Variants in DENND1A observed in about 807,000 individuals in gnomAD.
DENND1A encodes DENN domain containing 1A, also known as DENN domain-containing protein 1A.
DENND1A carries 51 observed loss-of-function variants against 113.7 expected under a neutral mutation model. The observed-to-expected ratio is 0.45, with a 90% CI of 0.36 to 0.57. The LOEUF (loss-of-function observed/expected upper bound fraction) is 0.57. Among genes scored for constraint, DENND1A ranks in the 20% least tolerant of loss-of-function variants. DENND1A has a pLI of 0.00. For missense variants in DENND1A, 1,258 were observed against 1,395.9 expected, an observed-to-expected ratio of 0.90 and a Z score of 1.57; for synonymous variants, 565 against 570.8, an observed-to-expected ratio of 0.99 and a Z score of 0.14.
intron 5 of DENND1A, among the ~76,000 whole-genome samples, chr9:123,755,297 TTTTC>T (rs1445779023): frequency 3.3e-5 from 5 of 151,116 alleles, no homozygotes; most frequent in Admixed American, 2.0e-4. Context: ...AATTTTTGTA[TTTTC>T]TTTCTTTCTT....
At chr9:123,737,648 C>T (rs985796074) in intron 5 of DENND1A, among the ~76,000 whole-genome samples, 6 of 152,202 alleles carry the variant, frequency 3.9e-5, no homozygotes, top group East Asian at 3.9e-4. Context: ...AAGTACTCCC[C>T]GCTCCTCCCA....
chr9:123,711,499 ATATATG>A (rs2066600955), intron 5 of DENND1A, among the ~76,000 whole-genome samples: 1 of 75,024 alleles, frequency 1.3e-5, no homozygotes, highest in African/African-American at 7.9e-5. Context: ...ATATATATAT[ATATATG>A]TATATATGTA....
At chr9:123,660,993 T>C (rs992225698) in intron 8 of DENND1A, among the ~76,000 whole-genome samples, 43 of 152,294 alleles carry the variant, frequency 2.8e-4, no homozygotes, top group African/African-American at 8.7e-4. Context: ...CTACGATGTA[T>C]AAAACAGCCC....
chr9:123,775,657 G>A (rs1224793030), intron 3 of DENND1A, among the ~76,000 whole-genome samples: 1 of 152,184 alleles, frequency 6.6e-6, no homozygotes, highest in Non-Finnish European at 1.5e-5. Context: ...TTAGTCTAGA[G>A]AAAAATCTTT....
At chr9:123,740,142 C>G (rs2068882945) in intron 5 of DENND1A, among the ~76,000 whole-genome samples, 1 of 152,098 alleles carries the variant, frequency 6.6e-6, no homozygotes, top group Admixed American at 6.6e-5. Context: ...TGTAACAACC[C>G]TGCATGTCCT....
chr9:123,530,127 T>TA (rs1220608389), intron 13 of DENND1A, among the ~76,000 whole-genome samples: 1 of 151,862 alleles, frequency 6.6e-6, no homozygotes, highest in Non-Finnish European at 1.5e-5. Flanking sequence ...GTTTCCAGAA[T>TA]AAAAAAACAA....
At chr9:123,911,260 TA>T (rs1853903797) in intron 1 of DENND1A, among the ~76,000 whole-genome samples, 1 of 152,106 alleles carries the variant, frequency 6.6e-6, no homozygotes, top group Non-Finnish European at 1.5e-5. Context: ...ATAATATGGC[TA>T]AAAAAGACTA....
intron 1 of DENND1A, among the ~76,000 whole-genome samples, chr9:123,907,174 ACT>A (rs1194863376): frequency 2.1e-5 from 3 of 140,128 alleles, no homozygotes; most frequent in African/African-American, 7.9e-5. Context: ...CATGCTAAAA[ACT>A]CTCAATAAAT....
At chr9:123,553,668 T>C (rs1223738401) in intron 13 of DENND1A, among the ~76,000 whole-genome samples, 1 of 152,002 alleles carries the variant, frequency 6.6e-6, no homozygotes, top group Non-Finnish European at 1.5e-5. Context: ...AAACGAAAAA[T>C]CCTAGAAGCT....
Position 123,474,536 on chromosome 9 carries a change from A to G in DENND1A, c.994-16639T>C, listed in dbSNP as rs114026309. 6.4e-3 allele frequency among the ~76,000 whole-genome samples: 980 copies of G among 152,342 alleles called. 7 individuals carry two copies. Among genetic ancestry groups the G allele is most frequent in the African/African-American group, 0.022 (934 of 41,590 alleles). On this transcript the variant is annotated intron_variant, in intron 13 of 23. Coordinates refer to ENST00000394215, the MANE Select transcript of DENND1A (RefSeq NM_001352964.2). ...AATGAGAAAATCCTAGGGTCTATAT[A>G]AAGTGATGCTTTGTTACCCACATGT...
chr9:123,878,096 G>A (rs771499987), intron 2 of DENND1A, among the ~76,000 whole-genome samples: 1 of 151,686 alleles, frequency 6.6e-6, no homozygotes, highest in Non-Finnish European at 1.5e-5. Context: ...CCAGCTACTC[G>A]GGAGGCTGAG....
chr9:123,452,155 C>A, intron 17 of DENND1A, 121 bp downstream of exon 17: 1 of 885,754 alleles, frequency 1.1e-6, no homozygotes, highest in South Asian at 1.6e-5. Flanking sequence ...GATTGCACCA[C>A]TGCACTCCAG....
In DENND1A at chr9:123,450,707, G is replaced by A. The variant is rs750765074; in HGVS notation, c.1342C>T (p.Arg448Cys). ...ACTTCAAGTACCTTTTGCTTCAAGC[G>A]GTTTTTCACCTCTTTTATTCCCATT... ...AKMGIKEVKN[R>C]LKQKDIAENG... is the part of the protein sequence containing the mutation. The change falls in exon 18 of 24, where the codon CGC (arginine) becomes TGC (cysteine). Residue 448 changes from arginine (R) to cysteine (C), a missense_variant. Physicochemically the swap from Arg to Cys is radical, Grantham distance 180. This residue lies in a region of DENND1A where 1,159 missense variants were observed against 1,231.7 expected (regional missense o/e 0.94). Coordinates refer to ENST00000394215, the MANE Select transcript of DENND1A (RefSeq NM_001352964.2). 7 of 1,608,634 alleles carry A rather than the reference G, an allele frequency of 4.4e-6. No homozygotes were observed. Among genetic ancestry groups the A allele is most frequent in the Admixed American group, 1.7e-5 (1 of 58,878 alleles).
At chr9:123,387,929 G>A (rs1399448153) in intron 21 of DENND1A, 71 bp from the exon 22 acceptor site, 9 of 1,262,806 alleles carry the variant, frequency 7.1e-6, no homozygotes, top group South Asian at 1.3e-5. Context: ...ACGTGCAGGC[G>A]GGAAGCAGGC....
intron 13 of DENND1A, among the ~76,000 whole-genome samples, chr9:123,537,414 AAG>A (rs1357789156): frequency 2.6e-5 from 4 of 151,986 alleles, no homozygotes; most frequent in East Asian, 1.9e-4. Context: ...AAAGAGATAA[AAG>A]AGATTTTAAA....
intron 2 of DENND1A, among the ~76,000 whole-genome samples, chr9:123,853,980 C>T (rs1359511387): frequency 6.6e-6 from 1 of 152,102 alleles, no homozygotes; most frequent in East Asian, 1.9e-4. Context: ...GTATCATCAC[C>T]TTTAGAATAT....
chr9:123,489,085 C>T (rs1410548718), intron 13 of DENND1A, among the ~76,000 whole-genome samples: 1 of 152,176 alleles, frequency 6.6e-6, no homozygotes, highest in African/African-American at 2.4e-5. Flanking sequence ...CACACACACA[C>T]ACACACATCC....
chr9:123,638,369 G>A (rs2061830651), intron 9 of DENND1A, among the ~76,000 whole-genome samples: 1 of 152,192 alleles, frequency 6.6e-6, no homozygotes, highest in Admixed American at 6.5e-5. Context: ...ATTCAATACA[G>A]GGACAGCCAA....
At chr9:123,737,826 A>G (rs2068686045) in intron 5 of DENND1A, among the ~76,000 whole-genome samples, 1 of 152,216 alleles carries the variant, frequency 6.6e-6, no homozygotes, top group South Asian at 2.1e-4. Context: ...ATTCCAAGAT[A>G]ATTAATCCCC....
Sources: gnomAD v4.1 joint callset for allele counts (sites outside exome capture counted in the v4.1 genomes callset) on GRCh38, gnomAD v4.1.1 for gene constraint, gnomAD v4.1.1 regional missense constraint, MANE v1.5 for transcripts, NCBI Gene and HGNC (gene_info 2026-07-23, HGNC 2026-07-21) for gene names.